Variants in MEF2C observed in about 807,000 individuals in gnomAD.
MEF2C encodes myocyte-specific enhancer factor 2C.
Under a neutral mutation model 50.5 loss-of-function variants are expected in MEF2C, and 6 were observed. The ratio of observed to expected loss-of-function variants is 0.12; its 90% CI spans 0.07 to 0.23. The LOEUF (loss-of-function observed/expected upper bound fraction) is 0.23, where lower values mean the gene tolerates loss of function less well. MEF2C is among the 10% of genes least tolerant of loss of function. The pLI is 1.00. For missense variants in MEF2C, 276 were observed against 605.0 expected, an observed-to-expected ratio of 0.46 and a Z score of 5.70; for synonymous variants, 183 against 228.0, an observed-to-expected ratio of 0.80 and a Z score of 1.78.
At position 88,893,262 on chromosome 5, in the gene MEF2C, G is replaced by A. The variant is rs777673976; in HGVS notation, c.-239-5664C>T. Among the ~76,000 whole-genome samples, 6 of 152,074 alleles carry A rather than the reference G, an allele frequency of 3.9e-5. No homozygotes were observed. The South Asian group carries it at 6.2e-4, about 16-fold the overall frequency. On this transcript the variant is annotated intron_variant, in intron 1 of 11. Transcript: ENST00000340208. Reference sequence around the variant, plus strand: ...TTAGAAAAGAAGGAAAAGAGCTACCGCATGGCAAAATGTACATTATTCTAT... The same window carrying A: ...TTAGAAAAGAAGGAAAAGAGCTACCACATGGCAAAATGTACATTATTCTAT...
chr5:88,840,382 A>C (rs780893383), intron 1 of MEF2C, among the ~76,000 whole-genome samples: 2 of 151,736 alleles, frequency 1.3e-5, no homozygotes, highest in Non-Finnish European at 2.9e-5. Context: ...GCTGGTTTTT[A>C]TTTTTTCGCC....
chr5:88,742,112 A>G, intron 6 of MEF2C: 1 of 985,426 alleles, frequency 1.0e-6, no homozygotes, highest in East Asian at 1.1e-4. Context: ...ACAGCCTTGA[A>G]GCACCGAGTG....
chr5:88,797,434 G>A (rs1796439859), intron 3 of MEF2C, among the ~76,000 whole-genome samples: 1 of 122,230 alleles, frequency 8.2e-6, no homozygotes, highest in African/African-American at 3.2e-5. Context: ...TTTTATCACA[G>A]ACTAGGATTG....
chr5:88,815,895 C>T (rs573969138), intron 2 of MEF2C, among the ~76,000 whole-genome samples: 1 of 152,002 alleles, frequency 6.6e-6, no homozygotes, highest in South Asian at 2.1e-4. Context: ...AATACAATGT[C>T]ACACAGTTTG....
At chr5:88,797,455 C>T (rs76003436) in intron 3 of MEF2C, among the ~76,000 whole-genome samples, 39,163 of 63,384 alleles carry the variant, frequency 0.62, 9,268 homozygotes, top group South Asian at 0.66. Flanking sequence ...CAACCCTTGC[C>T]TTTTTTTTTT....
At chr5:88,738,004 C>G in intron 6 of MEF2C, 1 of 985,298 alleles carries the variant, frequency 1.0e-6, no homozygotes, top group African/African-American at 1.7e-5. Flanking sequence ...GTTAGAACGC[C>G]TTGCTCTAGA....
intron 1 of MEF2C, among the ~76,000 whole-genome samples, chr5:88,834,746 C>CCTGT (rs1421668868): frequency 6.6e-6 from 1 of 152,074 alleles, no homozygotes; most frequent in Non-Finnish European, 1.5e-5. Context: ...CGTCACTGTG[C>CCTGT]CTGTCACTGG....
chr5:88,734,755 A>AT (rs1278082373), intron 6 of MEF2C: 2 of 982,720 alleles, frequency 2.0e-6, no homozygotes, highest in Non-Finnish European at 2.4e-6. Flanking sequence ...AAAAAAATTG[A>AT]TTTTAAAAGC....
intron 2 of MEF2C, among the ~76,000 whole-genome samples, chr5:88,810,440 AT>A (rs1198979527): frequency 6.6e-6 from 1 of 152,136 alleles, no homozygotes; most frequent in Non-Finnish European, 1.5e-5. Context: ...AAGATGAAAG[AT>A]AAAAAAGTCT....
intron 3 of MEF2C, chr5:88,782,234 G>A: frequency 1.2e-6 from 1 of 818,964 alleles, no homozygotes; most frequent in Non-Finnish European, 1.5e-6. Flanking sequence ...TTGAGAGGCT[G>A]AGGTGGGAGG....
chr5:88,740,959 G>T lies in MEF2C; in HGVS notation c.637+8111C>A, dbSNP rs151124962. On this transcript the variant is annotated intron_variant, in intron 6 of 10. Coordinates refer to ENST00000504921, the MANE Select transcript of MEF2C (RefSeq NM_002397.5). ...ATTGAGACAGTATAAATTAGAGAGA[G>T]CATGACAGAAGAGAAAGAATAATTA... 1.4e-4 allele frequency: 141 copies of T among 985,362 alleles called. No homozygotes were observed. The African/African-American group carries it at 2.3e-3, about 16-fold the overall frequency. 61.0% of individuals were successfully genotyped at this position (985,362 alleles called of 1,614,324 possible).
intron 6 of MEF2C, chr5:88,743,622 G>A: frequency 3.1e-6 from 3 of 983,280 alleles, no homozygotes; most frequent in Non-Finnish European, 3.6e-6. Context: ...TCTCCAATCT[G>A]AGTAAGTACT....
At chr5:88,795,687 A>C (rs1160588434) in intron 3 of MEF2C, among the ~76,000 whole-genome samples, 1 of 152,078 alleles carries the variant, frequency 6.6e-6, no homozygotes, top group Non-Finnish European at 1.5e-5. Flanking sequence ...GTTGAATAGG[A>C]GTGGTGAGAG....
At position 88,721,857 on chromosome 5, in the gene MEF2C, C is replaced by T. The variant is rs1035179328; in HGVS notation, c.*747G>A. On this transcript the variant is annotated 3_prime_UTR_variant, in exon 11 of 11. Transcript: ENST00000504921. ...AACACATTTTGGCTTAAGTAAACTA[C>T]AAAAAGCCACAAATGCTTTGCAAAC... 1 of 152,536 alleles carries T rather than the reference C, an allele frequency of 6.6e-6. No homozygotes were observed. Among genetic ancestry groups the T allele is most frequent in the African/African-American group, 2.4e-5 (1 of 41,456 alleles). The allele number at this position is 152,536 out of a possible 1,614,324, so 9.4% of individuals were successfully genotyped here.
intron 6 of MEF2C, chr5:88,743,698 C>A: frequency 1.0e-6 from 1 of 985,384 alleles, no homozygotes; most frequent in Non-Finnish European, 1.2e-6. Context: ...AGTCTGGAAA[C>A]CAGATCTCTT....
At chr5:88,863,494 CCAAGTT>C (rs1826179952) in intron 1 of MEF2C, among the ~76,000 whole-genome samples, 1 of 152,090 alleles carries the variant, frequency 6.6e-6, no homozygotes, top group African/African-American at 2.4e-5. Flanking sequence ...ATTTGTATGC[CCAAGTT>C]CAAGATTCAC....
At chr5:88,835,465 G>C (rs192390241) in intron 1 of MEF2C, among the ~76,000 whole-genome samples, 1 of 151,954 alleles carries the variant, frequency 6.6e-6, no homozygotes, top group Non-Finnish European at 1.5e-5. Flanking sequence ...TTTCCAACTT[G>C]GAATGAATAG....
At position 88,897,766 on chromosome 5, in the gene MEF2C, T is replaced by G. The variant is rs531065875; in HGVS notation, c.-240+6150A>C. Among the ~76,000 whole-genome samples, 107 of 152,334 alleles carry G rather than the reference T, an allele frequency of 7.0e-4. 3 individuals are homozygous for G. The highest frequency in any genetic ancestry group is 1.3e-4 in the Non-Finnish European group (9 of 68,032). On this transcript the variant is annotated intron_variant, in intron 1 of 11. Coordinates refer to the MEF2C transcript ENST00000340208. ...TCTATACTTGTGTGCATATGCTCCCTTTCATCTTTTGGGACTTGGGATCAC... is the reference window on the plus strand; with the variant it reads ...TCTATACTTGTGTGCATATGCTCCCGTTCATCTTTTGGGACTTGGGATCAC...
chr5:88,831,064 A>G (rs1316442812), intron 1 of MEF2C, among the ~76,000 whole-genome samples: 3 of 152,078 alleles, frequency 2.0e-5, no homozygotes, highest in Non-Finnish European at 4.4e-5. Flanking sequence ...GCATCTCATG[A>G]CCCTGTTAGA....
Sources: gnomAD v4.1 joint callset for allele counts (sites outside exome capture counted in the v4.1 genomes callset) on GRCh38, gnomAD v4.1.1 for gene constraint, MANE v1.5 for transcripts, NCBI Gene and HGNC (gene_info 2026-07-23, HGNC 2026-07-21) for gene names.